The following RNF145 variants were observed in gnomAD, a reference collection of about 807,000 sequenced individuals.
RNF145 encodes ring finger protein 145.
A neutral mutation model predicts 57.3 loss-of-function variants in RNF145; 12 were observed. The ratio of observed to expected loss-of-function variants is 0.21; its 90% CI spans 0.13 to 0.34. The LOEUF (loss-of-function observed/expected upper bound fraction) is 0.34. Among genes scored for constraint, RNF145 ranks in the 10% least tolerant of loss-of-function variants. RNF145 has a pLI of 1.00. For synonymous variants in RNF145, 262 were observed against 288.3 expected (o/e 0.91, Z 0.92); for missense variants, 429 against 799.0 (o/e 0.54, Z 5.58).
chr5:159,189,253 C>G (rs1584695598), intron 3 of RNF145, among the ~76,000 whole-genome samples: 1 of 152,110 alleles, frequency 6.6e-6, no homozygotes, highest in Non-Finnish European at 1.5e-5. Flanking sequence ...ACTCCTACAA[C>G]TTAGCAAGAA....
rs1430954902 is a variant in RNF145 at position 159,165,584 on chromosome 5, G to A, written c.1122-2505C>T. Among the ~76,000 whole-genome samples, 17 of 41,894 alleles carry A rather than the reference G, an allele frequency of 4.1e-4. 5 individuals are homozygous for A. The highest frequency in any genetic ancestry group is 3.9e-5 in the Non-Finnish European group (1 of 25,618). The allele number at this position is 41,894 out of a possible 152,430, so 27.5% of individuals were successfully genotyped here. On this transcript the variant is annotated intron_variant, in intron 8 of 10. Coordinates refer to ENST00000424310, the MANE Select transcript of RNF145 (RefSeq NM_001199383.2). ...TGTAGTCCCAGCTACTTGGGAGGCT[G>A]AGGCAGGAGAATGGCGTGAACCCGG...
chr5:159,200,666 T>C (rs562030743), intron 2 of RNF145, among the ~76,000 whole-genome samples: 14 of 152,272 alleles, frequency 9.2e-5, no homozygotes, highest in African/African-American at 1.4e-4. Context: ...ACCTTCTAAA[T>C]GTCAAAAAAT....
chr5:159,175,291 G>C (rs981732147), intron 5 of RNF145, among the ~76,000 whole-genome samples: 1 of 151,910 alleles, frequency 6.6e-6, no homozygotes, highest in Admixed American at 6.6e-5. Context: ...TTCCATTCAA[G>C]AAACAGACCA....
intron 3 of RNF145, among the ~76,000 whole-genome samples, chr5:159,191,420 G>A (rs1785285576): frequency 1.3e-5 from 2 of 151,592 alleles, no homozygotes; most frequent in African/African-American, 4.9e-5. Context: ...AATCCCAAAG[G>A]AACATAAAAA....
chr5:159,203,804 G>C (rs1331793109), intron 1 of RNF145, 148 bp from the exon 2 acceptor site: 18 of 606,154 alleles, frequency 3.0e-5, no homozygotes, highest in Non-Finnish European at 5.2e-5. Context: ...ACTATTTTTA[G>C]ATATTCATAA....
Position 159,209,474 on chromosome 5 carries a change from G to C in RNF145, c.-283C>G, listed in dbSNP as rs1170880718. On this transcript the variant is annotated 5_prime_UTR_variant, in exon 1 of 11. Coordinates refer to ENST00000424310, the MANE Select transcript of RNF145 (RefSeq NM_001199383.2). Reference sequence around the variant, plus strand: ...TCGTCCGCGGCAGCAGGCGCTCGCGGGCCGAGCCCCTTAGCAGCCGGCGCC... The same window carrying C: ...TCGTCCGCGGCAGCAGGCGCTCGCGCGCCGAGCCCCTTAGCAGCCGGCGCC... 4.2e-6 allele frequency: 4 copies of C among 962,326 alleles called. No individual in the cohort carries two copies. The East Asian group carries it at 3.6e-4, about 86-fold the overall frequency. 59.6% of individuals were successfully genotyped at this position (962,326 alleles called of 1,614,324 possible).
chr5:159,169,304 T>C lies in RNF145; in HGVS notation c.939-249A>G, dbSNP rs1784474945. Among the ~76,000 whole-genome samples, 3 of 152,198 alleles carry C rather than the reference T, an allele frequency of 2.0e-5. No homozygotes were observed. The South Asian group carries it at 6.2e-4, about 31-fold the overall frequency. On this transcript the variant is annotated intron_variant, in intron 7 of 10. Coordinates refer to ENST00000424310, the MANE Select transcript of RNF145 (RefSeq NM_001199383.2). ...CAATGAGGGCAAAAATAATAACTTC[T>C]AAGACAAATAGAAGTTTTCCAACCA...
intron 3 of RNF145, 113 bp downstream of exon 3, chr5:159,194,603 T>G: frequency 2.9e-6 from 2 of 697,110 alleles, no homozygotes; most frequent in South Asian, 3.6e-5. Flanking sequence ...CAAACCAGTT[T>G]TGGACCTACC....
chr5:159,207,891 T>C (rs770937889), intron 1 of RNF145: 17 of 1,613,368 alleles, frequency 1.1e-5, no homozygotes, highest in Non-Finnish European at 1.4e-5. Flanking sequence ...CTGCTACCTC[T>C]GCCATCGGCC....
intron 3 of RNF145, among the ~76,000 whole-genome samples, chr5:159,188,905 C>A (rs1785182055): frequency 6.6e-6 from 1 of 152,060 alleles, no homozygotes; most frequent in Non-Finnish European, 1.5e-5. Context: ...TTGCAAATGT[C>A]TTTTTCTATA....
chr5:159,195,477 A>AC (rs1785428520), intron 2 of RNF145, among the ~76,000 whole-genome samples: 1 of 151,828 alleles, frequency 6.6e-6, no homozygotes, highest in South Asian at 2.1e-4. Context: ...CCCTTTACAA[A>AC]CCCCCCTAAC....
At chr5:159,164,913 GA>G (rs1427182409) in intron 8 of RNF145, among the ~76,000 whole-genome samples, 1 of 152,234 alleles carries the variant, frequency 6.6e-6, no homozygotes, top group Non-Finnish European at 1.5e-5. Context: ...ACGTATTTAT[GA>G]AGATTTTCCC....
At chr5:159,163,998 C>A (rs1285985364) in intron 8 of RNF145, among the ~76,000 whole-genome samples, 48 of 152,190 alleles carry the variant, frequency 3.2e-4, no homozygotes, top group Admixed American at 3.1e-3. Context: ...ACATCAACAT[C>A]TGTGATATGT....
At chr5:159,198,239 CTAAATAAATAAATAAA>C (rs10565309) in intron 2 of RNF145, among the ~76,000 whole-genome samples, 26 of 146,944 alleles carry the variant, frequency 1.8e-4, no homozygotes, top group African/African-American at 3.5e-4. Context: ...GACTCTATCT[CTAAATAAATAAATAAA>C]TAAATAAATA....
chr5:159,165,717 AAAAAAAAAAAAAAAAAT>A lies in RNF145; in HGVS notation c.1122-2655_1122-2639del, dbSNP rs1200592005. ...AAAAAAAAAAAAAAAAAAAAAAAAA[AAAAAAAAAAAAAAAAAT>A]AATAATATCCTACATTATCATCTTT... On this transcript the variant is annotated intron_variant, in intron 8 of 10. Coordinates refer to ENST00000424310, the MANE Select transcript of RNF145 (RefSeq NM_001199383.2). Among the ~76,000 whole-genome samples, 8 of 7,704 alleles carry A rather than the reference AAAAAAAAAAAAAAAAAT, an allele frequency of 1.0e-3. 2 individuals carry two copies. Among genetic ancestry groups the A allele is most frequent in the Admixed American group, 5.0e-3 (3 of 604 alleles). The allele number at this position is 7,704 out of a possible 152,430, so 5.1% of individuals were successfully genotyped here.
At chr5:159,206,996 A>C (rs1351850518) in intron 1 of RNF145, among the ~76,000 whole-genome samples, 2 of 152,080 alleles carry the variant, frequency 1.3e-5, no homozygotes, top group African/African-American at 4.8e-5. Flanking sequence ...CAAAAACCAC[A>C]AGAGGTGCAA....
chr5:159,195,086 TTTC>T (rs1250654040), intron 2 of RNF145, among the ~76,000 whole-genome samples: 1 of 152,212 alleles, frequency 6.6e-6, no homozygotes, highest in Non-Finnish European at 1.5e-5. Context: ...ACACAACTCC[TTTC>T]TTCATCTACC....
chr5:159,184,168 G>C (rs1326310568), intron 3 of RNF145, among the ~76,000 whole-genome samples: 45 of 152,100 alleles, frequency 3.0e-4, no homozygotes, highest in Non-Finnish European at 1.3e-4. Flanking sequence ...ACATATTATT[G>C]ATATTTTATA....
At chr5:159,172,709 C>T (rs1400859368) in intron 6 of RNF145, among the ~76,000 whole-genome samples, 3 of 152,068 alleles carry the variant, frequency 2.0e-5, no homozygotes, top group Non-Finnish European at 2.9e-5. Context: ...GGTTTTTGTC[C>T]TGTATATTTT....
Sources: allele counts gnomAD v4.1 joint callset (sites outside exome capture counted in the v4.1 genomes callset), GRCh38; gene constraint gnomAD v4.1.1; transcripts MANE v1.5; gene names NCBI Gene and HGNC (gene_info 2026-07-23, HGNC 2026-07-21).